The following PRELID2 variants were observed in gnomAD, a reference collection of about 807,000 sequenced individuals.
PRELID2 encodes the protein PRELI domain containing 2, also known as PRELI domain-containing protein 2.
PRELID2 carries 25 observed loss-of-function variants against 28.4 expected under a neutral mutation model. The ratio of observed to expected loss-of-function variants is 0.88; its 90% CI spans 0.64 to 1.23. PRELID2 has a LOEUF of 1.23. Among genes scored for constraint, PRELID2 ranks in the 50% most tolerant of loss-of-function variants. The probability of loss-of-function intolerance (pLI) is 0.00; values close to 1 mark genes in which losing one functional copy is unlikely to be tolerated. For synonymous variants in PRELID2, 76 were observed against 71.6 expected, an observed-to-expected ratio of 1.06 and a Z score of -0.31; for missense variants, 201 against 214.4, an observed-to-expected ratio of 0.94 and a Z score of 0.39.
chr5:145,794,164 A>G (rs1752582093), intron 5 of PRELID2, among the ~76,000 whole-genome samples: 1 of 152,312 alleles, frequency 6.6e-6, no homozygotes, highest in African/African-American at 2.4e-5. Flanking sequence ...AGAGAAAACC[A>G]GACTACACAG....
the PRELID2 span, among the ~76,000 whole-genome samples, chr5:145,308,976 GA>G: frequency 6.6e-6 from 1 of 152,136 alleles, no homozygotes; most frequent in Non-Finnish European, 1.5e-5. Flanking sequence ...CAGAATTCAA[GA>G]ATGTATTGGA....
intron 1 of PRELID2, among the ~76,000 whole-genome samples, chr5:145,639,142 C>G (rs1376225386): frequency 6.6e-6 from 1 of 152,168 alleles, no homozygotes; most frequent in Non-Finnish European, 1.5e-5. Context: ...AAGGTCCCTA[C>G]AGAGCAGGTT....
chr5:145,432,658 A>G, the PRELID2 span, among the ~76,000 whole-genome samples: 5 of 152,048 alleles, frequency 3.3e-5, no homozygotes, highest in African/African-American at 9.7e-5. Flanking sequence ...GCACTACTGT[A>G]AGCTGTTTTC....
At chr5:145,436,846 T>A in the PRELID2 span, among the ~76,000 whole-genome samples, 1 of 152,316 alleles carries the variant, frequency 6.6e-6, no homozygotes, top group Non-Finnish European at 1.5e-5. Context: ...AACTTCCTGC[T>A]GTTACTTCAA....
chr5:145,478,616 T>C (rs1752129064), intron 1 of PRELID2, among the ~76,000 whole-genome samples: 1 of 152,188 alleles, frequency 6.6e-6, no homozygotes. Context: ...GATTACACAT[T>C]GAAATGATAG....
intron 1 of PRELID2, among the ~76,000 whole-genome samples, chr5:145,588,285 A>G (rs970352320): frequency 4.6e-5 from 7 of 152,144 alleles, no homozygotes; most frequent in Non-Finnish European, 8.8e-5. Flanking sequence ...GAGACTGGAA[A>G]CCATCCAGAC....
chr5:145,807,696 T>C (rs1374816873), intron 4 of PRELID2, among the ~76,000 whole-genome samples: 1 of 152,132 alleles, frequency 6.6e-6, no homozygotes, highest in East Asian at 1.9e-4. Flanking sequence ...TCTCTTTTCC[T>C]TTCCTACCCA....
At chr5:145,740,881 TGTACATATA>T (rs1756683713) in intron 1 of PRELID2, among the ~76,000 whole-genome samples, 1 of 102,674 alleles carries the variant, frequency 9.7e-6, no homozygotes. Context: ...TAAATATATA[TGTACATATA>T]TTTATCGATA....
the PRELID2 span, chr5:145,451,059 C>T: frequency 6.6e-6 from 1 of 152,150 alleles, no homozygotes; most frequent in Non-Finnish European, 1.5e-5. Context: ...TTCATATGGA[C>T]ATCTTATAAT....
At chr5:145,461,642 A>G in the PRELID2 span, among the ~76,000 whole-genome samples, 1 of 152,188 alleles carries the variant, frequency 6.6e-6, no homozygotes, top group South Asian at 2.1e-4. Context: ...TTTAAGGAAA[A>G]TGATAATTCC....
intron 1 of PRELID2, among the ~76,000 whole-genome samples, chr5:145,563,458 A>C (rs1016425902): frequency 1.3e-5 from 2 of 152,188 alleles, no homozygotes; most frequent in African/African-American, 4.8e-5. Flanking sequence ...TGTTTCTGTC[A>C]ATTTCAATAA....
intron 2 of PRELID2, chr5:145,472,185 C>T (rs1310627290): frequency 3.3e-5 from 5 of 152,066 alleles, no homozygotes; most frequent in Admixed American, 2.6e-4. Flanking sequence ...CCTCCAAGAT[C>T]ACACATAACA....
intron 1 of PRELID2, among the ~76,000 whole-genome samples, chr5:145,679,300 G>T (rs953178949): frequency 6.6e-6 from 1 of 152,284 alleles, no homozygotes; most frequent in African/African-American, 2.4e-5. Context: ...GGCCAGGTGG[G>T]AGGGTTGTCA....
At chr5:145,787,184 CATA>C (rs2149803645) in intron 5 of PRELID2, among the ~76,000 whole-genome samples, 2 of 152,316 alleles carry the variant, frequency 1.3e-5, no homozygotes, top group South Asian at 4.1e-4. Flanking sequence ...TATGCGATTG[CATA>C]ATGAGAGCTC....
At chr5:145,743,175 G>A (rs1464736364) in intron 1 of PRELID2, among the ~76,000 whole-genome samples, 3 of 151,910 alleles carry the variant, frequency 2.0e-5, no homozygotes, top group East Asian at 1.9e-4. Flanking sequence ...TTGGGAAGCC[G>A]AGACGGGCAG....
At chr5:145,626,617 TTC>T (rs200098524) in intron 1 of PRELID2, among the ~76,000 whole-genome samples, 1,572 of 152,178 alleles carry the variant, frequency 0.01, 10 homozygotes, top group Middle Eastern at 0.027. Flanking sequence ...GTATGGAGAT[TTC>T]TCAAATAACT....
intron 4 of PRELID2, among the ~76,000 whole-genome samples, chr5:145,809,813 T>C (rs572616750): frequency 2.6e-5 from 4 of 152,368 alleles, no homozygotes; most frequent in Admixed American, 6.5e-5. Flanking sequence ...AAAACACATA[T>C]GCTGGAAGAG....
the PRELID2 span, among the ~76,000 whole-genome samples, chr5:145,378,367 C>A: frequency 6.6e-6 from 1 of 152,092 alleles, no homozygotes; most frequent in African/African-American, 2.4e-5. Flanking sequence ...TGGATGATAT[C>A]CTGAAATATG....
intron 1 of PRELID2, among the ~76,000 whole-genome samples, chr5:145,644,952 G>A (rs1292454688): frequency 6.6e-6 from 1 of 152,168 alleles, no homozygotes; most frequent in Non-Finnish European, 1.5e-5. Context: ...GTCAATTTTA[G>A]AATAAGTGTG....
Sources: gnomAD v4.1 joint callset for allele counts (sites outside exome capture counted in the v4.1 genomes callset) on GRCh38, gnomAD v4.1.1 for gene constraint, MANE v1.5 for transcripts, NCBI Gene and HGNC (gene_info 2026-07-23, HGNC 2026-07-21) for gene names.